The following EXOC6B variants were observed in gnomAD, a reference collection of about 807,000 sequenced individuals.
EXOC6B encodes exocyst complex component 6B.
EXOC6B carries 54 observed loss-of-function variants against 113.5 expected under a neutral mutation model. The observed-to-expected ratio is 0.48, with a 90% CI of 0.38 to 0.60. The LOEUF is 0.60. Ranked by LOEUF, EXOC6B falls within the 20% of genes least tolerant of loss-of-function variation. EXOC6B has a pLI of 0.00. For synonymous variants in EXOC6B, 357 were observed against 339.0 expected (o/e 1.05, Z -0.58); for missense variants, 797 against 977.5 (o/e 0.82, Z 2.46).
chr2:72,726,026 T>C (rs1001142835), intron 5 of EXOC6B, among the ~76,000 whole-genome samples: 1 of 152,122 alleles, frequency 6.6e-6, no homozygotes, highest in Admixed American at 6.5e-5. Flanking sequence ...ATATATACAA[T>C]GAGAGAGTAT....
At chr2:72,462,715 A>T (rs1697776803) in intron 18 of EXOC6B, 1 of 152,130 alleles carries the variant, frequency 6.6e-6, no homozygotes, top group Non-Finnish European at 1.5e-5. Context: ...TCTGTTGTTT[A>T]TAAATTTCTC....
chr2:72,553,473 A>T (rs1703353581), intron 8 of EXOC6B, among the ~76,000 whole-genome samples: 1 of 152,070 alleles, frequency 6.6e-6, no homozygotes, highest in South Asian at 2.1e-4. Context: ...AAAAATAAAG[A>T]TCTATAAATA....
chr2:72,760,912 G>T (rs1381699176), intron 1 of EXOC6B, among the ~76,000 whole-genome samples: 2 of 152,164 alleles, frequency 1.3e-5, no homozygotes, highest in African/African-American at 4.8e-5. Context: ...AGGCAGGGGG[G>T]CTCATGCCTG....
At position 72,592,631 on chromosome 2, in the gene EXOC6B, G is replaced by A. The variant is rs762363477; in HGVS notation, c.670-16963C>T. On this transcript the variant is annotated intron_variant, in intron 6 of 21. Transcript: ENST00000272427. Reference sequence around the variant, plus strand: ...TGGTTTCTACAAACAATTTTGACACGACAGTGCTGTGGTGCTGTGATATAA... The same window carrying A: ...TGGTTTCTACAAACAATTTTGACACAACAGTGCTGTGGTGCTGTGATATAA... Among the ~76,000 whole-genome samples the A allele has an allele frequency of 4.6e-5, 7 of 152,222 alleles. No homozygotes were observed. In the South Asian group the frequency reaches 1.5e-3, roughly 32 times the overall value.
At chr2:72,796,355 A>C (rs1684949373) in intron 1 of EXOC6B, among the ~76,000 whole-genome samples, 1 of 150,878 alleles carries the variant, frequency 6.6e-6, no homozygotes, top group African/African-American at 2.4e-5. Flanking sequence ...CGGGAGACTG[A>C]GGCAGGAGAA....
In EXOC6B at chr2:72,465,304, G is replaced by A. The variant is rs1477954785; in HGVS notation, c.1836C>T (p.Thr612=). The A allele has an allele frequency of 1.2e-6, 2 of 1,604,346 alleles. No individual in the cohort carries two copies. Among genetic ancestry groups the A allele is most frequent in the Admixed American group, 1.7e-5 (1 of 58,532 alleles). Residue 612 remains threonine, a synonymous_variant, in exon 18 of 22, where the codon ACC becomes ACT. Coordinates refer to ENST00000272427, the MANE Select transcript of EXOC6B (RefSeq NM_015189.3). ...ACTGGTCAATCTTCTGGTTTAAGTT[G>A]GTATAAATCTCTTCTTCAGCTGCAT... ...ARHAAEEEIY[T]NLNQKIDQFL...
chr2:72,626,082 C>T (rs1329315290), intron 6 of EXOC6B, among the ~76,000 whole-genome samples: 1 of 152,036 alleles, frequency 6.6e-6, no homozygotes, highest in Admixed American at 6.6e-5. Flanking sequence ...ATGTTTTTCC[C>T]AATCTCCCAG....
At chr2:72,352,182 G>T (rs1424461005) in intron 19 of EXOC6B, among the ~76,000 whole-genome samples, 1 of 151,946 alleles carries the variant, frequency 6.6e-6, no homozygotes, top group Non-Finnish European at 1.5e-5. Context: ...AGCTATTAGT[G>T]GTTAAACAAA....
chr2:72,176,744 C>T lies in EXOC6B; in HGVS notation c.*2591G>A, dbSNP rs1163872798. 6.6e-6 allele frequency: 1 copy of T among 152,178 alleles called. No individual in the cohort carries two copies. Among genetic ancestry groups the T allele is most frequent in the Non-Finnish European group, 1.5e-5 (1 of 68,046 alleles). 9.4% of individuals were successfully genotyped at this position (152,178 alleles called of 1,614,324 possible). A position where few individuals can be genotyped will look rare whatever the true frequency, so the allele number is the denominator to read the frequency against. ...TGAACTGTCCCTTCAGGAATATAGA[C>T]CTGGTTTCCTCAAGAACTTGGCCAA... is the stretch of plus-strand genomic sequence containing the variant. On this transcript the variant is annotated 3_prime_UTR_variant, in exon 22 of 22. Transcript: ENST00000272427.
chr2:72,563,258 T>C (rs576039361), intron 7 of EXOC6B, among the ~76,000 whole-genome samples: 2 of 152,232 alleles, frequency 1.3e-5, no homozygotes, highest in South Asian at 2.1e-4. Context: ...CATTCACAAT[T>C]AGAGATCATT....
At chr2:72,281,238 G>A (rs1230065351) in intron 20 of EXOC6B, among the ~76,000 whole-genome samples, 1 of 152,126 alleles carries the variant, frequency 6.6e-6, no homozygotes, top group East Asian at 1.9e-4. Context: ...CCTTTACTCT[G>A]GATGCCTGCC....
intron 18 of EXOC6B, among the ~76,000 whole-genome samples, chr2:72,454,100 T>C (rs979958540): frequency 1.3e-5 from 2 of 152,148 alleles, no homozygotes; most frequent in Admixed American, 1.3e-4. Flanking sequence ...CACGCGGGGA[T>C]TATTACAATT....
chr2:72,674,220 C>T (rs931506325), intron 6 of EXOC6B, among the ~76,000 whole-genome samples: 2 of 152,132 alleles, frequency 1.3e-5, no homozygotes, highest in African/African-American at 4.8e-5. Flanking sequence ...TTCACCTCTC[C>T]CCAGTTTGGT....
chr2:72,233,461 G>A (rs915754435), intron 20 of EXOC6B, among the ~76,000 whole-genome samples: 4 of 152,114 alleles, frequency 2.6e-5, no homozygotes, highest in African/African-American at 9.7e-5. Flanking sequence ...GGGGAGAGAG[G>A]GACAGCCACC....
At chr2:72,736,419 T>C (rs1680968875) in intron 2 of EXOC6B, among the ~76,000 whole-genome samples, 1 of 152,174 alleles carries the variant, frequency 6.6e-6, no homozygotes, top group Admixed American at 6.5e-5. Flanking sequence ...AAACTTTTTT[T>C]CATTCATTGA....
At chr2:72,508,931 T>C (rs774904218) in intron 11 of EXOC6B, among the ~76,000 whole-genome samples, 55 of 152,158 alleles carry the variant, frequency 3.6e-4, no homozygotes, top group Admixed American at 1.1e-3. Context: ...TAATATAATA[T>C]ATAAAAGGTA....
At chr2:72,820,405 T>G (rs1336084378) in intron 1 of EXOC6B, among the ~76,000 whole-genome samples, 1 of 152,184 alleles carries the variant, frequency 6.6e-6, no homozygotes, top group East Asian at 1.9e-4. Context: ...GTATCATTAA[T>G]ATACTTTATG....
rs1379858169 is a variant in EXOC6B at position 72,404,235 on chromosome 2, C to T, written c.1981-24365G>A. Among the ~76,000 whole-genome samples, 3 of 152,188 alleles carry T rather than the reference C, an allele frequency of 2.0e-5. No homozygotes were observed. In the East Asian group the frequency reaches 5.8e-4, roughly 29 times the overall value. ...GGAAGCTCGAACTGGGTGGAGCCCACCACAGCTCAAGGAGGCCTGCCTGCC... is the reference window on the plus strand; with the variant it reads ...GGAAGCTCGAACTGGGTGGAGCCCATCACAGCTCAAGGAGGCCTGCCTGCC... On this transcript the variant is annotated intron_variant, in intron 18 of 21. Coordinates refer to ENST00000272427, the MANE Select transcript of EXOC6B (RefSeq NM_015189.3).
chr2:72,498,374 G>T, intron 13 of EXOC6B, 80 bp downstream of exon 13: 1 of 936,268 alleles, frequency 1.1e-6, no homozygotes, highest in Non-Finnish European at 1.6e-6. Context: ...TATAACATCT[G>T]AAAACCTTTG....
Sources: gnomAD v4.1 joint callset for allele counts (sites outside exome capture counted in the v4.1 genomes callset) on GRCh38, gnomAD v4.1.1 for gene constraint, MANE v1.5 for transcripts, NCBI Gene and HGNC (gene_info 2026-07-23, HGNC 2026-07-21) for gene names.